GSG1L: variants seen among roughly 807,000 people sequenced by gnomAD.
The protein encoded by GSG1L is GSG1 like.
A neutral mutation model predicts 42.1 loss-of-function variants in GSG1L; 24 were observed. That is an observed-to-expected ratio of 0.57 (90% CI 0.41 to 0.80). The LOEUF (loss-of-function observed/expected upper bound fraction) is 0.80, where lower values mean the gene tolerates loss of function less well. Ranked by LOEUF, GSG1L falls within the 30% of genes least tolerant of loss-of-function variation. GSG1L has a pLI of 0.00. For synonymous variants in GSG1L, 215 were observed against 203.5 expected (o/e 1.06, Z -0.48); for missense variants, 445 against 472.2 (o/e 0.94, Z 0.53).
chr16:28,007,476 GTGGTTGGTTGGTTGGT>G (rs772976295), intron 1 of GSG1L, among the ~76,000 whole-genome samples: 58 of 119,500 alleles, frequency 4.9e-4, no homozygotes, highest in African/African-American at 2.1e-3. Context: ...GCATGTGTGT[GTGGTTGGTTGGTTGGT>G]TGGTTGGTTG....
rs143316028 is a variant in GSG1L, at chr16:27,852,328, C to T, written c.551-7267G>A. Among the ~76,000 whole-genome samples, 1,247 of 152,208 alleles carry T rather than the reference C, an allele frequency of 8.2e-3. 19 individuals carry two copies. The highest frequency in any genetic ancestry group is 0.028 in the African/African-American group (1,175 of 41,514). Reference sequence around the variant, plus strand: ...AGCTGGTCACTGAGCAAATATCAGGCACCTGCTGTGCTTCAGGCTTTTCCA... The same window carrying T: ...AGCTGGTCACTGAGCAAATATCAGGTACCTGCTGTGCTTCAGGCTTTTCCA... On this transcript the variant is annotated intron_variant, in intron 3 of 6. Transcript: ENST00000447459.
chr16:28,063,398 C>A lies in GSG1L; in HGVS notation c.27G>T (p.Ala9=). 2 of 1,337,046 alleles carry A rather than the reference C, an allele frequency of 1.5e-6. No homozygotes were observed. The highest frequency in any genetic ancestry group is 9.7e-7 in the Non-Finnish European group (1 of 1,035,358). The allele number at this position is 1,337,046 out of a possible 1,614,324, so 82.8% of individuals were successfully genotyped here. A position where few individuals can be genotyped will look rare whatever the true frequency, so the allele number is the denominator to read the frequency against. The change falls in exon 1 of 7, where the codon GCG becomes GCT. Residue 9 remains alanine, a synonymous_variant. Coordinates refer to ENST00000447459, the MANE Select transcript of GSG1L (RefSeq NM_001109763.2). This position sits in a 1 kb window ranked among gnomAD's most constrained non-coding sequence, Gnocchi z 5.8. MKTSRRGR[A]LLAVALNLLA... Reference sequence around the variant, plus strand: ...GCAGGTTCAGGGCCACGGCCAGGAGCGCTCGGCCGCGGCGGCTAGTCTTCA... The same window carrying A: ...GCAGGTTCAGGGCCACGGCCAGGAGAGCTCGGCCGCGGCGGCTAGTCTTCA...
At chr16:27,972,845 C>G (rs2085208430) in intron 1 of GSG1L, among the ~76,000 whole-genome samples, 1 of 152,210 alleles carries the variant, frequency 6.6e-6, no homozygotes, top group African/African-American at 2.4e-5. Context: ...GTGAGAATCA[C>G]AGCCTATTAA....
rs200553810 is a variant in GSG1L at position 27,866,643 on chromosome 16, CTCACT to C, written c.550+17838_550+17842del. The stretch of plus-strand genomic sequence containing the variant: ...CTGGAATGCAGTGGTGTGATCTTGG[CTCACT>C]TCAACCTCCGCCCCCCAGGTTCAAG... On this transcript the variant is annotated intron_variant, in intron 3 of 6. Transcript: ENST00000447459. 9.7e-4 allele frequency among the ~76,000 whole-genome samples: 148 copies of C among 152,236 alleles called. No individual in the cohort carries two copies. The East Asian group carries it at 0.027, about 28-fold the overall frequency.
At position 27,884,760 on chromosome 16, in the gene GSG1L, G is replaced by A; in HGVS notation, c.398-122C>T. ...CATTCTAGAATAGAACCTGGTTCTGGGGGAGGTCCTGATGGAAGCCTGTCA... is the reference window on the plus strand; with the variant it reads ...CATTCTAGAATAGAACCTGGTTCTGAGGGAGGTCCTGATGGAAGCCTGTCA... On this transcript the variant is annotated intron_variant, in intron 2 of 6. Transcript: ENST00000447459. This position sits in a 1 kb window ranked among gnomAD's most constrained non-coding sequence, Gnocchi z 4.4. The A allele has an allele frequency of 1.0e-6, 1 of 991,792 alleles. No individual in the cohort carries two copies. Among genetic ancestry groups the A allele is most frequent in the Non-Finnish European group, 1.4e-6 (1 of 695,462 alleles). The allele number at this position is 991,792 out of a possible 1,614,324, so 61.4% of individuals were successfully genotyped here. A position where few individuals can be genotyped will look rare whatever the true frequency, so the allele number is the denominator to read the frequency against.
At chr16:28,027,427 G>A (rs1035829457) in intron 1 of GSG1L, among the ~76,000 whole-genome samples, 2 of 152,188 alleles carry the variant, frequency 1.3e-5, no homozygotes, top group Non-Finnish European at 2.9e-5. Context: ...TCAGTGCAGG[G>A]CTTATGAGGG....
intron 2 of GSG1L, among the ~76,000 whole-genome samples, chr16:27,923,966 C>T (rs1438861362): frequency 6.6e-6 from 1 of 151,990 alleles, no homozygotes; most frequent in Non-Finnish European, 1.5e-5. Context: ...GGGAAGTTAC[C>T]TAACCTCTCT....
intron 1 of GSG1L, among the ~76,000 whole-genome samples, chr16:27,983,862 T>G (rs2085351209): frequency 6.6e-6 from 1 of 152,208 alleles, no homozygotes; most frequent in South Asian, 2.1e-4. Context: ...AACAGCCTGT[T>G]GCATGGCAAG....
chr16:27,947,433 G>GAAAGA (rs1456794884), intron 2 of GSG1L, among the ~76,000 whole-genome samples: 26 of 84,368 alleles, frequency 3.1e-4, no homozygotes, highest in Non-Finnish European at 4.1e-4. Flanking sequence ...AGAAAGAGAA[G>GAAAGA]GAAGGAAGGA....
At chr16:27,813,568 A>G (rs1337410138) in intron 5 of GSG1L, among the ~76,000 whole-genome samples, 1 of 152,224 alleles carries the variant, frequency 6.6e-6, no homozygotes, top group African/African-American at 2.4e-5. Flanking sequence ...CTCCAAGACT[A>G]GGCTTGCCCA....
chr16:27,863,162 A>T (rs1414557062), intron 3 of GSG1L: 1 of 152,176 alleles, frequency 6.6e-6, no homozygotes, highest in African/African-American at 2.4e-5. Flanking sequence ...GCTTATGACG[A>T]CATATTTTTT....
At chr16:27,888,060 C>G in intron 2 of GSG1L, 1 of 982,206 alleles carries the variant, frequency 1.0e-6, no homozygotes, top group Non-Finnish European at 1.2e-6. Context: ...CAGTCTTTAC[C>G]TCGGAGATGC....
intron 2 of GSG1L, among the ~76,000 whole-genome samples, chr16:27,906,323 G>A (rs967546119): frequency 2.0e-5 from 3 of 152,102 alleles, no homozygotes; most frequent in Non-Finnish European, 2.9e-5. Context: ...AGATAGCGAC[G>A]GGAGGGTGGG....
intron 3 of GSG1L, among the ~76,000 whole-genome samples, chr16:27,848,571 G>A (rs2083468549): frequency 6.6e-6 from 1 of 152,190 alleles, no homozygotes; most frequent in Non-Finnish European, 1.5e-5. Flanking sequence ...TGGAATAGAT[G>A]GGCGGATGTC....
In GSG1L at chr16:27,902,667, G is replaced by A. The variant is rs530858469; in HGVS notation, c.398-18029C>T. 3.9e-5 allele frequency among the ~76,000 whole-genome samples: 6 copies of A among 152,314 alleles called. No individual in the cohort carries two copies. The South Asian group carries it at 1.2e-3, about 32-fold the overall frequency. On this transcript the variant is annotated intron_variant, in intron 2 of 6. Coordinates refer to ENST00000447459, the MANE Select transcript of GSG1L (RefSeq NM_001109763.2). ...GGGATGGGGAGGGGACAAGAGCAGG[G>A]CTCTGGAGCCAGGCAGGGTGTGATC...
chr16:27,973,780 A>G (rs2085221324), intron 1 of GSG1L, among the ~76,000 whole-genome samples: 1 of 152,158 alleles, frequency 6.6e-6, no homozygotes, highest in Non-Finnish European at 1.5e-5. Flanking sequence ...TCTACAGTGC[A>G]TATTATAGGG....
chr16:28,010,523 G>C (rs1596698431), intron 1 of GSG1L, among the ~76,000 whole-genome samples: 1 of 152,142 alleles, frequency 6.6e-6, no homozygotes, highest in African/African-American at 2.4e-5. Context: ...AAAAAGTGCT[G>C]TTCAATCTGG....
intron 2 of GSG1L, among the ~76,000 whole-genome samples, chr16:27,962,871 T>A (rs1288379620): frequency 6.6e-6 from 1 of 151,890 alleles, no homozygotes; most frequent in African/African-American, 2.4e-5. Flanking sequence ...ACCCCCATCA[T>A]CCCTCCCACA....
Position 27,888,401 on chromosome 16 carries a change from C to CTTCT in GSG1L, c.398-3767_398-3764dup, listed in dbSNP as rs768689001. On this transcript the variant is annotated intron_variant, in intron 2 of 6. Transcript: ENST00000447459. ...GGTTCTTTCTTTCTTTTCTTTTCTC[C>CTTCT]TTCTTTCTTTCTTTCTTTCTTTCTT... Among the ~76,000 whole-genome samples the CTTCT allele has an allele frequency of 3.5e-3, 431 of 122,540 alleles. 36 individuals are homozygous for CTTCT. Among genetic ancestry groups the CTTCT allele is most frequent in the East Asian group, 0.012 (43 of 3,706 alleles). 80.4% of individuals were successfully genotyped at this position (122,540 alleles called of 152,430 possible).
Sources: allele counts gnomAD v4.1 joint callset (sites outside exome capture counted in the v4.1 genomes callset), GRCh38; gene constraint gnomAD v4.1.1; non-coding constraint Gnocchi (gnomAD v3.1); transcripts MANE v1.5; gene names NCBI Gene and HGNC (gene_info 2026-07-23, HGNC 2026-07-21).